EMP2: variants seen among roughly 807,000 people sequenced by gnomAD.
EMP2 encodes epithelial membrane protein 2.
Under a neutral mutation model 13.7 loss-of-function variants are expected in EMP2, and 19 were observed. The ratio of observed to expected loss-of-function variants is 1.38; its 90% confidence interval spans 0.97 to 2.03. The LOEUF (loss-of-function observed/expected upper bound fraction) is 2.03, where lower values mean the gene tolerates loss of function less well. Ranked by LOEUF, EMP2 falls within the 30% of genes most tolerant of loss-of-function variation. The probability of loss-of-function intolerance (pLI) is 0.00; values close to 1 mark genes in which losing one functional copy is unlikely to be tolerated. For missense variants in EMP2, 253 were observed against 220.7 expected, an observed-to-expected ratio of 1.15 and a Z score of -0.93; for synonymous variants, 97 against 84.7, an observed-to-expected ratio of 1.15 and a Z score of -0.80.
chr16:10,567,121 T>C (rs191632770), intron 1 of EMP2, among the ~76,000 whole-genome samples: 2 of 152,176 alleles, frequency 1.3e-5, no homozygotes, highest in Admixed American at 1.3e-4. Flanking sequence ...TATCTGCCAT[T>C]TTCTTATGTA....
At chr16:10,554,556 G>A (rs148564347) in intron 1 of EMP2, among the ~76,000 whole-genome samples, 1 of 152,156 alleles carries the variant, frequency 6.6e-6, no homozygotes, top group African/African-American at 2.4e-5. Context: ...CAGTTCCCGG[G>A]GCTGTGTGTT....
intron 1 of EMP2, among the ~76,000 whole-genome samples, chr16:10,579,971 A>G (rs1262419522): frequency 6.6e-6 from 1 of 152,080 alleles, no homozygotes; most frequent in Non-Finnish European, 1.5e-5. Flanking sequence ...CGCCTCTTTA[A>G]AGCCCCCCAA....
At position 10,575,413 on chromosome 16, in the gene EMP2, C is replaced by T. The variant is rs62029487; in HGVS notation, c.-61+5136G>A. The stretch of plus-strand genomic sequence containing the variant: ...GGACTACAGGCGCCCGCCACCACAC[C>T]GGGCTAATTTTTTTGTAATTTTAGT... On this transcript the variant is annotated intron_variant, in intron 1 of 4. Coordinates refer to ENST00000359543, the MANE Select transcript of EMP2 (RefSeq NM_001424.6). Among the ~76,000 whole-genome samples the T allele has an allele frequency of 7.3e-5, 11 of 151,686 alleles. No individual in the cohort carries two copies. The East Asian group carries it at 1.6e-3, about 22-fold the overall frequency.
chr16:10,537,754 A>G (rs1427540718), intron 4 of EMP2, among the ~76,000 whole-genome samples, 174 bp downstream of exon 4: 1 of 136,684 alleles, frequency 7.3e-6, no homozygotes. Flanking sequence ...TACAGCATGC[A>G]TGCGCCCACA....
At chr16:10,564,593 A>G (rs1313934836) in intron 1 of EMP2, among the ~76,000 whole-genome samples, 3 of 151,376 alleles carry the variant, frequency 2.0e-5, no homozygotes, top group Non-Finnish European at 4.4e-5. Context: ...CTCCTACCTC[A>G]TTATCAATCA....
At chr16:10,544,562 G>C (rs1361352315) in intron 2 of EMP2, 1 of 152,336 alleles carries the variant, frequency 6.6e-6, no homozygotes, top group Non-Finnish European at 1.5e-5. Flanking sequence ...GGCCCTCAGA[G>C]AGTATGGGAG....
chr16:10,541,367 T>C (rs2050697423), intron 3 of EMP2, among the ~76,000 whole-genome samples: 1 of 152,216 alleles, frequency 6.6e-6, no homozygotes, highest in Admixed American at 6.5e-5. Flanking sequence ...GTGAACCATA[T>C]GGTCTCTTGT....
At chr16:10,533,722 C>A (rs1272654053) in intron 4 of EMP2, among the ~76,000 whole-genome samples, 9 of 152,138 alleles carry the variant, frequency 5.9e-5, no homozygotes, top group Non-Finnish European at 1.0e-4. Flanking sequence ...CCATAGTTTG[C>A]CAACCTTCTT....
At chr16:10,551,492 T>C (rs2067624505) in intron 1 of EMP2, among the ~76,000 whole-genome samples, 1 of 152,180 alleles carries the variant, frequency 6.6e-6, no homozygotes, top group South Asian at 2.1e-4. Context: ...CTGCAACCTC[T>C]GCCTCCCGGG....
intron 1 of EMP2, among the ~76,000 whole-genome samples, chr16:10,556,835 G>T (rs1466576976): frequency 6.6e-6 from 1 of 152,158 alleles, no homozygotes; most frequent in Admixed American, 6.6e-5. Context: ...CAAATACAGG[G>T]CATTTTTATA....
chr16:10,568,039 G>C (rs1458003555), intron 1 of EMP2, among the ~76,000 whole-genome samples: 4 of 152,158 alleles, frequency 2.6e-5, no homozygotes, highest in Non-Finnish European at 5.9e-5. Context: ...CAGAGCTATA[G>C]AATAAAGGAA....
intron 1 of EMP2, among the ~76,000 whole-genome samples, chr16:10,572,560 T>C (rs948996748): frequency 6.6e-6 from 1 of 152,112 alleles, no homozygotes; most frequent in African/African-American, 2.4e-5. Flanking sequence ...ACCCGGCACA[T>C]AGTAAGCGGC....
At chr16:10,540,532 A>AAAT (rs2050687512) in intron 3 of EMP2, among the ~76,000 whole-genome samples, 1 of 151,744 alleles carries the variant, frequency 6.6e-6, no homozygotes. Context: ...ATAAACAAAT[A>AAAT]AATAAATAGA....
intron 1 of EMP2, among the ~76,000 whole-genome samples, chr16:10,567,378 G>A (rs2050913777): frequency 6.6e-6 from 1 of 152,214 alleles, no homozygotes; most frequent in Non-Finnish European, 1.5e-5. Context: ...CCCCTTGGCA[G>A]CCCCATGGCC....
intron 3 of EMP2, among the ~76,000 whole-genome samples, 171 bp from the exon 4 acceptor site, chr16:10,538,245 C>T (rs2050666320): frequency 6.6e-6 from 1 of 152,186 alleles, no homozygotes; most frequent in Non-Finnish European, 1.5e-5. Flanking sequence ...GTCTTCCAGA[C>T]CCCCTGCCCC....
At chr16:10,550,620 T>C (rs62029464) in intron 1 of EMP2, among the ~76,000 whole-genome samples, 52,086 of 152,114 alleles carry the variant, frequency 0.34, 11,178 homozygotes, top group Non-Finnish European at 0.48. Flanking sequence ...ATGCTAACTT[T>C]GATCACTGGG....
chr16:10,548,231 G>T (rs186103295), intron 1 of EMP2, among the ~76,000 whole-genome samples: 2 of 152,130 alleles, frequency 1.3e-5, no homozygotes, highest in Admixed American at 6.5e-5. Flanking sequence ...AAAGCATCAC[G>T]TCTCTTGGGC....
At chr16:10,563,181 C>T (rs2050884378) in intron 1 of EMP2, among the ~76,000 whole-genome samples, 1 of 136,828 alleles carries the variant, frequency 7.3e-6, no homozygotes, top group Admixed American at 6.9e-5. Context: ...ACAGCATTTC[C>T]TCTTTATTAT....
At chr16:10,542,276 T>C (rs1463436738) in intron 3 of EMP2, among the ~76,000 whole-genome samples, 2 of 152,078 alleles carry the variant, frequency 1.3e-5, no homozygotes, top group Non-Finnish European at 2.9e-5. Flanking sequence ...TGAGTGCCTG[T>C]AGTCCCAGCT....
Sources: gnomAD v4.1 joint callset for allele counts (sites outside exome capture counted in the v4.1 genomes callset) on GRCh38, gnomAD v4.1.1 for gene constraint, MANE v1.5 for transcripts, NCBI Gene and HGNC (gene_info 2026-07-23, HGNC 2026-07-21) for gene names.